Variants in FGL2 observed in about 807,000 individuals in gnomAD.
The protein encoded by FGL2 is fibrinogen like 2, also known as fibroleukin.
In FGL2, 21 loss-of-function variants were observed where a neutral mutation model predicts 36.0. The observed-to-expected ratio is 0.58, with a 90% CI of 0.41 to 0.84. The LOEUF is 0.84. Ranked by LOEUF, FGL2 falls within the 40% of genes least tolerant of loss-of-function variation. The pLI, the probability that FGL2 is intolerant of heterozygous loss-of-function variation, is 0.00. For synonymous variants in FGL2, 183 were observed against 190.7 expected (o/e 0.96, Z 0.33); for missense variants, 444 against 526.3 (o/e 0.84, Z 1.53).
In FGL2 at chr7:77,196,938, T is replaced by C. The variant is rs1164958623; in HGVS notation, c.661A>G (p.Lys221Glu). 1.2e-6 allele frequency: 2 copies of C among 1,613,546 alleles called. No individual in the cohort carries two copies. Among genetic ancestry groups the C allele is most frequent in the East Asian group, 4.5e-5 (2 of 44,892 alleles). The part of the protein sequence containing the change: ...KDCSDYYAIG[K>E]RSSETYRVTP... Reference sequence around the variant, plus strand: ...ACTCTGTAGGTCTCACTGCTTCTTTTGCCTATTGCGTAGTAGTCAGAGCAA... The same window carrying C: ...ACTCTGTAGGTCTCACTGCTTCTTTCGCCTATTGCGTAGTAGTCAGAGCAA... Residue 221 changes from lysine to glutamate, a missense_variant, in exon 2 of 2, where the codon AAA becomes GAA. Transcript: ENST00000248598. This position sits in a 1 kb window ranked among gnomAD's most constrained non-coding sequence, Gnocchi z 4.2.
Position 77,199,518 on chromosome 7 carries a change from T to G in FGL2, c.276A>C (p.Leu92=). Residue 92 remains leucine (L), a synonymous_variant, in exon 1 of 2, where the codon CTA becomes CTC. Coordinates refer to ENST00000248598, the MANE Select transcript of FGL2 (RefSeq NM_006682.3). ...VQNLKEIVNS[L]KKSCQDCKLQ... is the part of the protein sequence containing the mutation. ...GCTTGCAGTCTTGGCAAGATTTCTT[T>G]AGACTATTTACGATTTCCTTGAGGT... 1 of 1,614,158 alleles carries G rather than the reference T, an allele frequency of 6.2e-7. No individual in the cohort carries two copies. Among genetic ancestry groups the G allele is most frequent in the Middle Eastern group, 1.6e-4 (1 of 6,062 alleles).
Position 77,196,344 on chromosome 7 carries a change from C to T in FGL2, c.1255G>A (p.Gly419Ser), listed in dbSNP as rs1337412711. The change falls in exon 2 of 2, where the codon GGT (glycine) becomes AGT (serine). Residue 419 changes from glycine to serine, a missense_variant. Physicochemically the swap from Gly to Ser is moderately conservative, Grantham distance 56. Coordinates refer to ENST00000248598, the MANE Select transcript of FGL2 (RefSeq NM_006682.3). This position sits in a 1 kb window ranked among gnomAD's most constrained non-coding sequence, Gnocchi z 4.2. ...TCTTTGAAGGAGGACTTGTAGCCAC[C>T]AGGGTGTGCCTCACTTACACCAGGC... is the stretch of plus-strand genomic sequence containing the variant. ...TWPGVSEAHP[G>S]GYKSSFKEAK... is the part of the protein sequence containing the mutation. The T allele has an allele frequency of 6.2e-7, 1 of 1,614,094 alleles. No individual in the cohort carries two copies. Among genetic ancestry groups the T allele is most frequent in the Admixed American group, 1.7e-5 (1 of 59,994 alleles).
Position 77,199,692 on chromosome 7 carries a change from T to C in FGL2, c.102A>G (p.Arg34=), listed in dbSNP as rs1386709714. The change falls in exon 1 of 2, where the codon AGA becomes AGG. Residue 34 remains arginine (R), a synonymous_variant. Transcript: ENST00000248598. ...NNETEEIKDE[R]AKDVCPVRLE... Reference sequence around the variant, plus strand: ...GTCTCACTGGGCAGACATCCTTTGCTCTTTCATCTTTAATTTCCTCTGTTT... The same window carrying C: ...GTCTCACTGGGCAGACATCCTTTGCCCTTTCATCTTTAATTTCCTCTGTTT... 12 of 1,614,058 alleles carry C rather than the reference T, an allele frequency of 7.4e-6. No individual in the cohort carries two copies. The highest frequency in any genetic ancestry group is 1.0e-5 in the Non-Finnish European group (12 of 1,180,024).
chr7:77,198,907 C>T, intron 1 of FGL2: 2 of 475,288 alleles, frequency 4.2e-6, no homozygotes, highest in Non-Finnish European at 3.7e-6. Context: ...GAAATTCTCT[C>T]TACTTCTGCT....
intron 1 of FGL2, chr7:77,198,970 C>A: frequency 1.8e-6 from 1 of 548,132 alleles, no homozygotes. Flanking sequence ...AAGTGACTTC[C>A]AGTGGATACA....
At chr7:77,197,326 C>G (rs2150431940) in intron 1 of FGL2, among the ~76,000 whole-genome samples, 1 of 152,368 alleles carries the variant, frequency 6.6e-6, no homozygotes, top group East Asian at 1.9e-4. Context: ...GACTGGGTAA[C>G]ATTTTCACAC....
Position 77,196,755 on chromosome 7 carries a change from A to G in FGL2, c.844T>C (p.Phe282Leu), listed in dbSNP as rs1202978992. ...KAGFGNLRREFWLGNDKIHLL... is the reference protein window; with the variant it reads ...KAGFGNLRRELWLGNDKIHLL... ...TGAATTTTATCGTTCCCCAGCCAAA[A>G]TTCCCTTCTGAGGTTTCCAAAGCCT... The change falls in exon 2 of 2, where the codon TTT becomes CTT. Residue 282 changes from phenylalanine to leucine, a missense_variant. Physicochemically the swap from Phe to Leu is conservative, Grantham distance 22. Transcript: ENST00000248598. The surrounding 1 kb of genome is among the most constrained non-coding windows in gnomAD (Gnocchi z 4.2). The G allele has an allele frequency of 6.2e-7, 1 of 1,614,092 alleles. No individual in the cohort carries two copies.
chr7:77,197,381 T>C (rs1452645166), intron 1 of FGL2, among the ~76,000 whole-genome samples: 1 of 152,256 alleles, frequency 6.6e-6, no homozygotes, highest in African/African-American at 2.4e-5. Flanking sequence ...ACTGCCAGTC[T>C]GCATGTGAGG....
chr7:77,199,180 C>T lies in FGL2; in HGVS notation c.613+1G>A, dbSNP rs909809705. 1 of 1,611,626 alleles carries T rather than the reference C, an allele frequency of 6.2e-7. No individual in the cohort carries two copies. Among genetic ancestry groups the T allele is most frequent in the South Asian group, 1.1e-5 (1 of 90,886 alleles). ...TGATAAGAAAACATTATTATACATACCTGGACGTGACTGTATTTGTTCTTG... is the reference window on the plus strand; with the variant it reads ...TGATAAGAAAACATTATTATACATATCTGGACGTGACTGTATTTGTTCTTG... On this transcript the variant is annotated splice_donor_variant, in intron 1 of 1. Transcript: ENST00000248598. LOFTEE classifies it high-confidence loss of function.
intron 1 of FGL2, 84 bp downstream of exon 1, chr7:77,199,097 T>C: frequency 8.4e-7 from 1 of 1,186,552 alleles, no homozygotes. Context: ...CTATTTAACT[T>C]ACTGACTCAG....
chr7:77,193,777 C>A lies in FGL2; in HGVS notation c.*2502G>T, dbSNP rs963180258. The A allele has an allele frequency of 6.6e-6, 1 of 152,294 alleles. No individual in the cohort carries two copies. Among genetic ancestry groups the A allele is most frequent in the African/African-American group, 2.4e-5 (1 of 41,362 alleles). 9.4% of individuals were successfully genotyped at this position (152,294 alleles called of 1,614,324 possible). On this transcript the variant is annotated 3_prime_UTR_variant, in exon 2 of 2. Coordinates refer to ENST00000248598, the MANE Select transcript of FGL2 (RefSeq NM_006682.3). ...AGTCAATATTTTCAAGTAATCATGACCTCAGAAATAGTCTTAATTAAGATA... is the reference window on the plus strand; with the variant it reads ...AGTCAATATTTTCAAGTAATCATGAACTCAGAAATAGTCTTAATTAAGATA...
chr7:77,197,714 C>CTA (rs1292481646), intron 1 of FGL2, among the ~76,000 whole-genome samples: 1 of 152,150 alleles, frequency 6.6e-6, no homozygotes, highest in African/African-American at 2.4e-5. Context: ...CACTTGACAA[C>CTA]TATATAAAGA....
In FGL2 at chr7:77,199,230, A is replaced by G. The variant is rs757547085; in HGVS notation, c.564T>C (p.Asp188=). 13 of 1,613,990 alleles carry G rather than the reference A, an allele frequency of 8.1e-6. No individual in the cohort carries two copies. The South Asian group carries it at 1.1e-4, about 14-fold the overall frequency. ...GGCTGGGACACTTTGAACATTTGCC[A>G]TCCAAACTATTGACAACAAATGTTA... ...ANLTFVVNSL[D]GKCSKCPSQE... The change falls in exon 1 of 2, where the codon GAT becomes GAC. Residue 188 remains aspartate (D), a synonymous_variant. Coordinates refer to ENST00000248598, the MANE Select transcript of FGL2 (RefSeq NM_006682.3).
Position 77,196,548 on chromosome 7 carries a change from G to A in FGL2, c.1051C>T (p.His351Tyr). 1 of 1,614,146 alleles carries A rather than the reference G, an allele frequency of 6.2e-7. No individual in the cohort carries two copies. Among genetic ancestry groups the A allele is most frequent in the Non-Finnish European group, 8.5e-7 (1 of 1,180,000 alleles). ...DALRFNKHYN[H>Y]DLKFFTTPDK... Reference sequence around the variant, plus strand: ...GGAGTGGTGAAAAACTTCAGATCGTGGTTGTAATGTTTGTTGAAACGTAAT... The same window carrying A: ...GGAGTGGTGAAAAACTTCAGATCGTAGTTGTAATGTTTGTTGAAACGTAAT... Residue 351 changes from histidine to tyrosine, a missense_variant, in exon 2 of 2, where the codon CAC (histidine) becomes TAC (tyrosine). Physicochemically the swap from His to Tyr is moderately conservative, Grantham distance 83. Transcript: ENST00000248598. This position sits in a 1 kb window ranked among gnomAD's most constrained non-coding sequence, Gnocchi z 4.2.
chr7:77,199,308 A>G lies in FGL2; in HGVS notation c.486T>C (p.Asn162=), dbSNP rs576343284. The G allele has an allele frequency of 1.2e-6, 2 of 1,614,120 alleles. No individual in the cohort carries two copies. The highest frequency in any genetic ancestry group is 1.7e-5 in the Admixed American group (1 of 60,020). The part of the protein sequence containing the change: ...NVLHGRLEKL[N]LVNMNNIENY... ...TTTCTATGTTGTTCATATTTACAAG[A>G]TTCAGCTTCTCCAGGCGACCATGAA... The change falls in exon 1 of 2, where the codon AAT becomes AAC. Residue 162 remains asparagine, a synonymous_variant. Coordinates refer to ENST00000248598, the MANE Select transcript of FGL2 (RefSeq NM_006682.3).
Position 77,199,524 on chromosome 7 carries a change from AT to A in FGL2, c.269del (p.Asn90IlefsTer3). 1.2e-6 allele frequency: 2 copies of A among 1,613,998 alleles called. No homozygotes were observed. The highest frequency in any genetic ancestry group is 1.7e-6 in the Non-Finnish European group (2 of 1,180,004). On this transcript the variant is annotated frameshift_variant, in exon 1 of 2. Transcript: ENST00000248598. LOFTEE classifies it high-confidence loss of function. Reference protein sequence around the residue: ...KEVQNLKEIVNSLKKSCQDCK... With the variant: ...KEVQNLKEIVXSLKKSCQDCK... ...AGTCTTGGCAAGATTTCTTTAGACT[AT>A]TTACGATTTCCTTGAGGTTTTGGAC...
In FGL2 at chr7:77,198,507, G is replaced by A. The variant is rs1791918747; in HGVS notation, c.613+674C>T. ...TAAAGTTAATTCAAGTAATTTGGATGGTGAGGATGGGTTCTACTTCTATCT... is the reference window on the plus strand; with the variant it reads ...TAAAGTTAATTCAAGTAATTTGGATAGTGAGGATGGGTTCTACTTCTATCT... On this transcript the variant is annotated intron_variant, in intron 1 of 1. Transcript: ENST00000248598. The A allele has an allele frequency of 1.9e-5, 3 of 157,512 alleles. No individual in the cohort carries two copies. The East Asian group carries it at 5.7e-4, about 30-fold the overall frequency. The allele number at this position is 157,512 out of a possible 1,614,324, so 9.8% of individuals were successfully genotyped here. A position where few individuals can be genotyped will look rare whatever the true frequency, so the allele number is the denominator to read the frequency against.
At position 77,199,277 on chromosome 7, in the gene FGL2, C is replaced by T. The variant is rs762547973; in HGVS notation, c.517G>A (p.Val173Ile). Reference protein sequence around the residue: ...LVNMNNIENYVDSKVANLTFV... With the variant: ...LVNMNNIENYIDSKVANLTFV... ...GTTAGATTTGCCACTTTGCTGTCAACATAATTTTCTATGTTGTTCATATTT... is the reference window on the plus strand; with the variant it reads ...GTTAGATTTGCCACTTTGCTGTCAATATAATTTTCTATGTTGTTCATATTT... The change falls in exon 1 of 2, where the codon GTT becomes ATT. Residue 173 changes from valine to isoleucine, a missense_variant. Physicochemically the swap from Val to Ile is conservative, Grantham distance 29. Coordinates refer to ENST00000248598, the MANE Select transcript of FGL2 (RefSeq NM_006682.3). 18 of 1,614,110 alleles carry T rather than the reference C, an allele frequency of 1.1e-5. No individual in the cohort carries two copies. Among genetic ancestry groups the T allele is most frequent in the Non-Finnish European group, 1.4e-5 (17 of 1,179,978 alleles).
intron 1 of FGL2, among the ~76,000 whole-genome samples, chr7:77,197,202 T>A (rs1038454738): frequency 2.0e-4 from 31 of 152,222 alleles, no homozygotes; most frequent in African/African-American, 7.0e-4. Flanking sequence ...TCTTGGTTGG[T>A]AGTAATAATG....
Sources: gnomAD v4.1 joint callset for allele counts (sites outside exome capture counted in the v4.1 genomes callset) on GRCh38, gnomAD v4.1.1 for gene constraint, Gnocchi (gnomAD v3.1) non-coding constraint, MANE v1.5 for transcripts, NCBI Gene and HGNC (gene_info 2026-07-23, HGNC 2026-07-21) for gene names.